The following WARS2 variants were observed in gnomAD, a reference collection of about 807,000 sequenced individuals.
WARS2 encodes tryptophanyl tRNA synthetase 2, mitochondrial, also known as tryptophan--tRNA ligase, mitochondrial.
Under a neutral mutation model 36.5 loss-of-function variants are expected in WARS2, and 28 were observed. That is an observed-to-expected ratio of 0.77 (90% CI 0.57 to 1.05). WARS2 has a LOEUF of 1.05. WARS2 is among the 50% of genes least tolerant of loss of function. The probability of loss-of-function intolerance (pLI) is 0.00; values close to 1 mark genes in which losing one functional copy is unlikely to be tolerated. For missense variants in WARS2, 435 were observed against 456.8 expected (o/e 0.95, Z 0.44); for synonymous variants, 174 against 178.4 (o/e 0.98, Z 0.20).
At chr1:119,100,836 C>G (rs771903066) in intron 1 of WARS2, among the ~76,000 whole-genome samples, 1 of 152,080 alleles carries the variant, frequency 6.6e-6, no homozygotes, top group Non-Finnish European at 1.5e-5. Flanking sequence ...TGGGATTTCA[C>G]CATGTTGCCC....
intron 4 of WARS2, among the ~76,000 whole-genome samples, chr1:119,040,819 C>T (rs947036727): frequency 6.6e-6 from 1 of 152,156 alleles, no homozygotes; most frequent in Non-Finnish European, 1.5e-5. Context: ...CTTCACAGAA[C>T]CTTTACAAGC....
intron 1 of WARS2, among the ~76,000 whole-genome samples, chr1:119,107,408 T>C (rs991270071): frequency 8.5e-5 from 13 of 152,148 alleles, no homozygotes; most frequent in Admixed American, 8.5e-4. Flanking sequence ...GGTTTATAGT[T>C]TTGCATTTTA....
At chr1:119,122,423 AAC>A (rs2101540496) in intron 1 of WARS2, among the ~76,000 whole-genome samples, 1 of 152,186 alleles carries the variant, frequency 6.6e-6, no homozygotes, top group East Asian at 1.9e-4. Flanking sequence ...GGTGAGAAGG[AAC>A]AGTTTTACAC....
chr1:119,085,523 A>T, intron 1 of WARS2: 8 of 1,599,902 alleles, frequency 5.0e-6, no homozygotes, highest in Non-Finnish European at 6.8e-6. Context: ...TCTCAGACAA[A>T]CTTGGTGAGG....
chr1:119,101,978 A>G (rs1304895081), intron 1 of WARS2, among the ~76,000 whole-genome samples: 1 of 146,218 alleles, frequency 6.8e-6, no homozygotes, highest in Non-Finnish European at 1.5e-5. Flanking sequence ...ATTAAGTCCT[A>G]TTTACAAACT....
At chr1:119,134,330 A>C (rs1656331263) in intron 1 of WARS2, among the ~76,000 whole-genome samples, 1 of 150,978 alleles carries the variant, frequency 6.6e-6, no homozygotes, top group Non-Finnish European at 1.5e-5. Context: ...AAAAAAAAAA[A>C]AAAAAAAAAA....
In WARS2 at chr1:119,031,861, G is replaced by A. The variant is rs1289807470; in HGVS notation, c.*1050C>T. On this transcript the variant is annotated 3_prime_UTR_variant, in exon 6 of 6. Coordinates refer to ENST00000235521, the MANE Select transcript of WARS2 (RefSeq NM_015836.4). ...GGAGAGAACTTGGGACCCGCCTTGG[G>A]GATTTTGATGGGGAAATGTGACCAC... 1 of 152,456 alleles carries A rather than the reference G, an allele frequency of 6.6e-6. No homozygotes were observed. The highest frequency in any genetic ancestry group is 1.5e-5 in the Non-Finnish European group (1 of 68,328). The allele number at this position is 152,456 out of a possible 1,614,324, so 9.4% of individuals were successfully genotyped here.
At chr1:119,055,664 A>G (rs1432712576) in intron 2 of WARS2, among the ~76,000 whole-genome samples, 1 of 151,780 alleles carries the variant, frequency 6.6e-6, no homozygotes, top group Non-Finnish European at 1.5e-5. Flanking sequence ...CAAACAAACA[A>G]AAAACAGAGA....
chr1:119,085,829 C>T (rs1332067795), intron 1 of WARS2: 2 of 1,610,246 alleles, frequency 1.2e-6, no homozygotes, highest in African/African-American at 1.3e-5. Context: ...CATAAGGAAG[C>T]CCTCCCAGGA....
chr1:119,072,186 T>C (rs1013531996), intron 2 of WARS2, among the ~76,000 whole-genome samples: 7 of 152,128 alleles, frequency 4.6e-5, no homozygotes, highest in Non-Finnish European at 7.4e-5. Flanking sequence ...GGCTCTAAGA[T>C]AAGGCATGAG....
chr1:119,048,459 T>A (rs1357255922), intron 2 of WARS2, among the ~76,000 whole-genome samples: 1 of 152,234 alleles, frequency 6.6e-6, no homozygotes, highest in Non-Finnish European at 1.5e-5. Flanking sequence ...ACTTTTAAGA[T>A]AATTGTACAT....
intron 2 of WARS2, chr1:119,064,769 A>C (rs975700633): frequency 3.9e-5 from 6 of 152,682 alleles, no homozygotes; most frequent in African/African-American, 1.4e-4. Context: ...AGTCCAATTA[A>C]AACTCTTTTT....
intron 2 of WARS2, among the ~76,000 whole-genome samples, chr1:119,048,362 T>C (rs914336583): frequency 1.3e-5 from 2 of 152,238 alleles, no homozygotes; most frequent in African/African-American, 4.8e-5. Flanking sequence ...ATCCACTTGA[T>C]AGTATGTAAA....
At chr1:119,104,779 A>C (rs77449812) in intron 1 of WARS2, among the ~76,000 whole-genome samples, 62 of 151,496 alleles carry the variant, frequency 4.1e-4, no homozygotes, top group African/African-American at 1.4e-3. Flanking sequence ...AAAAAAAAAA[A>C]CCAGCAAGAA....
chr1:119,096,530 A>C (rs1653455087), intron 1 of WARS2, among the ~76,000 whole-genome samples: 1 of 152,120 alleles, frequency 6.6e-6, no homozygotes, highest in African/African-American at 2.4e-5. Flanking sequence ...AATAAATTAT[A>C]ATTTTTCAAT....
intron 1 of WARS2, among the ~76,000 whole-genome samples, chr1:119,098,051 C>T (rs587685336): frequency 6.6e-6 from 1 of 152,164 alleles, no homozygotes; most frequent in African/African-American, 2.4e-5. Context: ...GAGTTCGAGA[C>T]CAGCCTGGCC....
intron 1 of WARS2, chr1:119,082,574 C>T (rs1652281307): frequency 2.5e-6 from 1 of 405,620 alleles, no homozygotes; most frequent in Non-Finnish European, 3.3e-6. Flanking sequence ...ACTCCAAATT[C>T]TATATTCCTT....
chr1:119,126,451 C>T (rs1655662331), intron 1 of WARS2: 3 of 390,478 alleles, frequency 7.7e-6, no homozygotes, highest in Non-Finnish European at 1.4e-5. Context: ...AATTCTCACA[C>T]TCATGGTAAC....
chr1:119,041,377 G>A (rs717363), intron 4 of WARS2, among the ~76,000 whole-genome samples: 1 of 152,176 alleles, frequency 6.6e-6, no homozygotes, highest in Non-Finnish European at 1.5e-5. Context: ...GATGAAATCA[G>A]AAGCCCTGGC....
Sources: allele counts gnomAD v4.1 joint callset (sites outside exome capture counted in the v4.1 genomes callset), GRCh38; gene constraint gnomAD v4.1.1; transcripts MANE v1.5; gene names NCBI Gene and HGNC (gene_info 2026-07-23, HGNC 2026-07-21).